RFX3: variants seen among roughly 807,000 people sequenced by gnomAD.
RFX3 encodes regulatory factor X3.
A neutral mutation model predicts 98.6 loss-of-function variants in RFX3; 14 were observed. The observed-to-expected ratio is 0.14, with a 90% CI of 0.09 to 0.22. The LOEUF (loss-of-function observed/expected upper bound fraction) is 0.22. RFX3 is among the 10% of genes least tolerant of loss of function. RFX3 has a pLI of 1.00. For synonymous variants in RFX3, 383 were observed against 328.4 expected (o/e 1.17, Z -1.80); for missense variants, 639 against 926.9 (o/e 0.69, Z 4.03).
At chr9:3,466,519 CA>C (rs1452865797) in intron 1 of RFX3, among the ~76,000 whole-genome samples, 4 of 152,108 alleles carry the variant, frequency 2.6e-5, no homozygotes, top group Non-Finnish European at 1.5e-5. Context: ...TAGGTTGGCA[CA>C]AAAGTAATTG....
chr9:3,486,274 G>T (rs1587835669), intron 1 of RFX3, among the ~76,000 whole-genome samples: 2 of 152,006 alleles, frequency 1.3e-5, no homozygotes, highest in South Asian at 2.1e-4. Context: ...AACTTTTAGG[G>T]ACTGTCTTTT....
At position 3,223,825 on chromosome 9, in the gene RFX3, A is replaced by G. The variant is rs41303217; in HGVS notation, c.*1217T>C. The stretch of plus-strand genomic sequence containing the variant: ...CAGTTCTGTTTTAAGGCACCATGTA[A>G]TAGCCGAGGTACGATGATCCCTGAT... On this transcript the variant is annotated 3_prime_UTR_variant, in exon 17 of 17. Transcript: ENST00000617270. 1,672 of 152,306 alleles carry G rather than the reference A, an allele frequency of 0.011. 14 individuals carry two copies. The highest frequency in any genetic ancestry group is 0.016 in the Admixed American group (251 of 15,284). The allele number at this position is 152,306 out of a possible 1,614,324, so 9.4% of individuals were successfully genotyped here.
At chr9:3,373,287 A>C (rs1177013743) in intron 2 of RFX3, among the ~76,000 whole-genome samples, 1 of 152,318 alleles carries the variant, frequency 6.6e-6, no homozygotes, top group Non-Finnish European at 1.5e-5. Context: ...AATCAACGGA[A>C]GTCCATCTTT....
At chr9:3,226,686 T>C (rs1817814548) in intron 16 of RFX3, among the ~76,000 whole-genome samples, 3 of 152,250 alleles carry the variant, frequency 2.0e-5, no homozygotes, top group South Asian at 2.1e-4. Context: ...ATTCAAAGGG[T>C]TGGAGGGCTA....
intron 2 of RFX3, among the ~76,000 whole-genome samples, chr9:3,387,460 G>T (rs1839843701): frequency 6.6e-6 from 1 of 152,032 alleles, no homozygotes; most frequent in Non-Finnish European, 1.5e-5. Flanking sequence ...TAACTATTCA[G>T]TAGAGATGGT....
At chr9:3,390,056 C>T (rs1015272049) in intron 2 of RFX3, among the ~76,000 whole-genome samples, 6 of 152,110 alleles carry the variant, frequency 3.9e-5, no homozygotes, top group African/African-American at 1.4e-4. Context: ...AATTAGAAGC[C>T]TTATGGCTTT....
intron 1 of RFX3, among the ~76,000 whole-genome samples, chr9:3,455,165 T>C (rs1368878507): frequency 6.6e-6 from 1 of 152,212 alleles, no homozygotes; most frequent in Non-Finnish European, 1.5e-5. Flanking sequence ...TTTTTCACTG[T>C]TTCTAGGTAA....
rs1817251504 is a variant in RFX3 at position 3,219,868 on chromosome 9, C to T, written c.*5174G>A. 1 of 152,174 alleles carries T rather than the reference C, an allele frequency of 6.6e-6. No individual in the cohort carries two copies. The highest frequency in any genetic ancestry group is 6.5e-5 in the Admixed American group (1 of 15,276). 9.4% of individuals were successfully genotyped at this position (152,174 alleles called of 1,614,324 possible). On this transcript the variant is annotated 3_prime_UTR_variant, in exon 17 of 17. Transcript: ENST00000617270. The stretch of plus-strand genomic sequence containing the variant: ...ATGCTATGGATGTCCTTTCACCAGA[C>T]ATCAGAATAGGTTACACTCTTATTT...
intron 3 of RFX3, among the ~76,000 whole-genome samples, chr9:3,336,436 A>G (rs935921324): frequency 1.3e-5 from 2 of 152,180 alleles, no homozygotes; most frequent in Admixed American, 1.3e-4. Context: ...AGTAGAATAA[A>G]TAAGAGAGAG....
intron 7 of RFX3, among the ~76,000 whole-genome samples, chr9:3,285,286 T>A (rs926227113): frequency 2.0e-5 from 3 of 151,854 alleles, no homozygotes; most frequent in Admixed American, 1.3e-4. Flanking sequence ...TCACATGTCA[T>A]TTGTATTTTT....
chr9:3,429,960 C>T (rs1294260962), intron 1 of RFX3, among the ~76,000 whole-genome samples: 1 of 152,174 alleles, frequency 6.6e-6, no homozygotes, highest in Admixed American at 6.5e-5. Flanking sequence ...ATTGACAACT[C>T]TTAAAGTCTC....
chr9:3,306,403 C>G (rs569773302), intron 4 of RFX3, among the ~76,000 whole-genome samples: 17 of 151,848 alleles, frequency 1.1e-4, no homozygotes, highest in Middle Eastern at 3.4e-3. Context: ...GTGGGAAATT[C>G]GTTAAACTAG....
intron 1 of RFX3, among the ~76,000 whole-genome samples, chr9:3,464,936 C>T (rs190902569): frequency 2.1e-3 from 314 of 152,048 alleles, no homozygotes; most frequent in Middle Eastern, 0.01. Context: ...CAAAAGTTAT[C>T]GGTGGAAAGG....
chr9:3,290,430 G>C (rs113592143), intron 6 of RFX3, among the ~76,000 whole-genome samples: 1 of 152,040 alleles, frequency 6.6e-6, no homozygotes, highest in African/African-American at 2.4e-5. Flanking sequence ...ATTCCTTTCA[G>C]TAACAAAAGA....
At chr9:3,497,868 C>G (rs1182019944) in intron 1 of RFX3, among the ~76,000 whole-genome samples, 2 of 151,920 alleles carry the variant, frequency 1.3e-5, no homozygotes, top group Non-Finnish European at 2.9e-5. Context: ...ATAAGGAAGT[C>G]TTTTAATGAA....
intron 1 of RFX3, among the ~76,000 whole-genome samples, chr9:3,524,264 G>A (rs1002367959): frequency 1.3e-5 from 2 of 152,004 alleles, no homozygotes; most frequent in Non-Finnish European, 2.9e-5. Flanking sequence ...GTAAAACTGG[G>A]TTAACGTTAA....
At chr9:3,520,851 A>G (rs1187988841) in intron 1 of RFX3, among the ~76,000 whole-genome samples, 1 of 152,034 alleles carries the variant, frequency 6.6e-6, no homozygotes, top group Non-Finnish European at 1.5e-5. Context: ...ATTTTCTTTT[A>G]CTTTTTTTTA....
intron 15 of RFX3, among the ~76,000 whole-genome samples, chr9:3,244,286 G>C (rs1009270207): frequency 6.6e-6 from 1 of 152,102 alleles, no homozygotes; most frequent in African/African-American, 2.4e-5. Flanking sequence ...GATTACAGGT[G>C]TGAGCCACCA....
At chr9:3,371,948 A>C (rs1355720035) in intron 2 of RFX3, among the ~76,000 whole-genome samples, 1 of 152,238 alleles carries the variant, frequency 6.6e-6, no homozygotes, top group Non-Finnish European at 1.5e-5. Context: ...AGAGGTGGCT[A>C]TAAATTCATA....
Sources: allele counts gnomAD v4.1 joint callset (sites outside exome capture counted in the v4.1 genomes callset), GRCh38; gene constraint gnomAD v4.1.1; transcripts MANE v1.5; gene names NCBI Gene and HGNC (gene_info 2026-07-23, HGNC 2026-07-21).